The following ABCB1 variants were observed in gnomAD, a reference collection of about 807,000 sequenced individuals.
ABCB1 encodes ATP-dependent translocase ABCB1.
In ABCB1, 69 loss-of-function variants were observed where a neutral mutation model predicts 142.0. The observed-to-expected ratio is 0.49, with a 90% CI of 0.40 to 0.59. ABCB1 has a LOEUF of 0.59. Ranked by LOEUF, ABCB1 falls within the 20% of genes least tolerant of loss-of-function variation. The pLI is 0.00. For synonymous variants in ABCB1, 532 were observed against 539.2 expected (o/e 0.99, Z 0.18); for missense variants, 1,326 against 1,554.7 (o/e 0.85, Z 2.47).
At chr7:87,567,301 A>G (rs957427981) in intron 5 of ABCB1, among the ~76,000 whole-genome samples, 7 of 152,242 alleles carry the variant, frequency 4.6e-5, no homozygotes, top group Non-Finnish European at 1.0e-4. Context: ...CATGCATGAA[A>G]TATACTTGGA....
At chr7:87,550,402 T>C (rs1817000870) in intron 11 of ABCB1, 66 bp downstream of exon 11, 11 of 1,603,468 alleles carry the variant, frequency 6.9e-6, no homozygotes, top group South Asian at 6.6e-5. Flanking sequence ...TTATAATCTC[T>C]ACAAGAAAAC....
chr7:87,570,152 T>A lies in ABCB1; in HGVS notation c.338+20A>T, dbSNP rs202242143. 2.5e-6 allele frequency: 4 copies of A among 1,606,920 alleles called. No homozygotes were observed. Among genetic ancestry groups the A allele is most frequent in the Non-Finnish European group, 2.6e-6 (3 of 1,174,122 alleles). On this transcript the variant is annotated intron_variant, in intron 5 of 27. Transcript: ENST00000622132. ...TGAATATAGAAAAACTTAACAATAG[T>A]AAGGAGAATGTCTAATTACCTGGTC...
At chr7:87,671,009 G>T (rs1825775318) in intron 1 of ABCB1, among the ~76,000 whole-genome samples, 1 of 152,220 alleles carries the variant, frequency 6.6e-6, no homozygotes, top group Non-Finnish European at 1.5e-5. Flanking sequence ...AGGCAGCAGA[G>T]AAAGGGATCT....
At chr7:87,573,200 G>A (rs908483654) in intron 4 of ABCB1, among the ~76,000 whole-genome samples, 2 of 152,256 alleles carry the variant, frequency 1.3e-5, no homozygotes, top group East Asian at 3.9e-4. Flanking sequence ...CACATGCAGG[G>A]GAACTCCCAT....
At chr7:87,530,580 G>GA (rs1376623416) in intron 21 of ABCB1, among the ~76,000 whole-genome samples, 1 of 150,556 alleles carries the variant, frequency 6.6e-6, no homozygotes, top group African/African-American at 2.4e-5. Context: ...GTATGCAGGG[G>GA]AAAAAAAAGA....
At chr7:87,661,629 T>A (rs900691369) in intron 1 of ABCB1, among the ~76,000 whole-genome samples, 73 of 152,156 alleles carry the variant, frequency 4.8e-4, no homozygotes, top group African/African-American at 1.8e-3. Context: ...TAGTACTCCC[T>A]TGTGTATATT....
chr7:87,628,490 A>C (rs866372707), intron 1 of ABCB1: 39 of 205,688 alleles, frequency 1.9e-4, no homozygotes, highest in African/African-American at 8.6e-4. Flanking sequence ...CCGTCTGCTG[A>C]GGTCCCTCGG....
At chr7:87,573,114 C>A (rs950792104) in intron 4 of ABCB1, among the ~76,000 whole-genome samples, 2 of 152,148 alleles carry the variant, frequency 1.3e-5, no homozygotes, top group African/African-American at 4.8e-5. Flanking sequence ...TTCCACATGG[C>A]TGGGGAGGCC....
intron 1 of ABCB1, among the ~76,000 whole-genome samples, chr7:87,672,415 G>A (rs755672651): frequency 1.5e-4 from 23 of 152,178 alleles, no homozygotes; most frequent in Non-Finnish European, 2.8e-4. Flanking sequence ...CCCTAGGGAG[G>A]TGCAGTGCTG....
Position 87,655,619 on chromosome 7 carries a change from G to T in ABCB1, c.-330-54541C>A, listed in dbSNP as rs1585016485. ...AAGGATATAAAAATTCAGTTAAAAG[G>T]AAATAAGTTCAAGAGATCTATTGTA... On this transcript the variant is annotated intron_variant, in intron 1 of 28. Transcript: ENST00000265724. Among the ~76,000 whole-genome samples, 4 of 152,114 alleles carry T rather than the reference G, an allele frequency of 2.6e-5. No individual in the cohort carries two copies. In the East Asian group the frequency reaches 5.8e-4, roughly 22 times the overall value.
At chr7:87,706,768 A>G (rs1254340074) in intron 1 of ABCB1, among the ~76,000 whole-genome samples, 2 of 152,158 alleles carry the variant, frequency 1.3e-5, no homozygotes, top group African/African-American at 4.8e-5. Flanking sequence ...CCACTGAACA[A>G]CAGACAAATG....
chr7:87,686,367 T>C (rs1045879108), intron 1 of ABCB1, among the ~76,000 whole-genome samples: 2 of 152,176 alleles, frequency 1.3e-5, no homozygotes, highest in African/African-American at 2.4e-5. Context: ...ACGAGCATGG[T>C]GTAACACAAA....
chr7:87,528,556 G>T (rs1479037638), intron 21 of ABCB1, among the ~76,000 whole-genome samples: 5 of 151,874 alleles, frequency 3.3e-5, no homozygotes, highest in Non-Finnish European at 7.4e-5. Flanking sequence ...GCTGTTCAAG[G>T]GTCACCTGTA....
chr7:87,503,674 T>G lies in ABCB1; in HGVS notation c.*569A>C, dbSNP rs1210244777. The G allele has an allele frequency of 6.3e-6, 1 of 159,332 alleles. No homozygotes were observed. The highest frequency in any genetic ancestry group is 1.8e-4 in the East Asian group (1 of 5,546). 9.9% of individuals were successfully genotyped at this position (159,332 alleles called of 1,614,324 possible). A position where few individuals can be genotyped will look rare whatever the true frequency, so the allele number is the denominator to read the frequency against. ...TCAGCAGGATCAAGTCCAAGAAGAA[T>G]GAAGCCAGATGGTTCTGTAAGACCC... On this transcript the variant is annotated 3_prime_UTR_variant, in exon 28 of 28. Transcript: ENST00000622132.
At chr7:87,619,474 G>A (rs1325573759) in intron 1 of ABCB1, among the ~76,000 whole-genome samples, 1 of 151,818 alleles carries the variant, frequency 6.6e-6, no homozygotes, top group East Asian at 1.9e-4. Context: ...AGGAGGCAGA[G>A]GTTGCAGTGA....
intron 1 of ABCB1, among the ~76,000 whole-genome samples, chr7:87,611,066 C>T (rs1819833077): frequency 6.6e-6 from 1 of 152,148 alleles, no homozygotes; most frequent in Admixed American, 6.5e-5. Context: ...AATTAACTCC[C>T]TTCGTAACAG....
chr7:87,533,533 G>A (rs954334109), intron 20 of ABCB1, among the ~76,000 whole-genome samples: 1 of 152,006 alleles, frequency 6.6e-6, no homozygotes, highest in Non-Finnish European at 1.5e-5. Flanking sequence ...TTAACCCCTC[G>A]GCTTCATTTG....
chr7:87,598,932 T>C (rs1819324613), intron 2 of ABCB1, among the ~76,000 whole-genome samples: 1 of 152,182 alleles, frequency 6.6e-6, no homozygotes, highest in Admixed American at 6.5e-5. Flanking sequence ...TCATTTCTTT[T>C]AGGGAGGAAT....
intron 1 of ABCB1, among the ~76,000 whole-genome samples, chr7:87,617,404 C>T (rs769325183): frequency 6.6e-6 from 1 of 152,192 alleles, no homozygotes; most frequent in Non-Finnish European, 1.5e-5. Flanking sequence ...GAGAACCTCA[C>T]TGTGTTAAAG....
Sources: allele counts gnomAD v4.1 joint callset (sites outside exome capture counted in the v4.1 genomes callset), GRCh38; gene constraint gnomAD v4.1.1; transcripts MANE v1.5; gene names NCBI Gene and HGNC (gene_info 2026-07-23, HGNC 2026-07-21).